The following CA1 variants were observed in gnomAD, a reference collection of about 807,000 sequenced individuals.
The protein encoded by CA1 is carbonate dehydratase I.
In CA1, 27 loss-of-function variants were observed where a neutral mutation model predicts 28.8. That is an observed-to-expected ratio of 0.94 (90% CI 0.69 to 1.29). The LOEUF (loss-of-function observed/expected upper bound fraction) is 1.29. CA1 is among the 50% of genes most tolerant of loss of function. CA1 has a pLI of 0.00. For synonymous variants in CA1, 121 were observed against 108.8 expected (o/e 1.11, Z -0.70); for missense variants, 335 against 310.5 (o/e 1.08, Z -0.59).
chr8:85,329,203 T>C (rs1808295454), intron 7 of CA1, among the ~76,000 whole-genome samples: 1 of 152,174 alleles, frequency 6.6e-6, no homozygotes, highest in Admixed American at 6.5e-5. Context: ...GTAAGGCACG[T>C]AATAAACATG....
intron 1 of CA1, among the ~76,000 whole-genome samples, chr8:85,369,582 A>G (rs1810139567): frequency 6.6e-6 from 1 of 152,214 alleles, no homozygotes; most frequent in South Asian, 2.1e-4. Flanking sequence ...GGTAGGGCCA[A>G]CAAGAAGGAG....
intron 1 of CA1, among the ~76,000 whole-genome samples, chr8:85,361,526 A>G (rs539676501): frequency 6.6e-6 from 1 of 152,078 alleles, no homozygotes; most frequent in East Asian, 1.9e-4. Flanking sequence ...AAAATACACA[A>G]GTTAGCCGGG....
At chr8:85,365,573 G>A (rs753071880) in intron 1 of CA1, among the ~76,000 whole-genome samples, 40 of 152,248 alleles carry the variant, frequency 2.6e-4, no homozygotes, top group East Asian at 3.9e-4. Context: ...GCATTTGGAA[G>A]AACTGGTAAA....
At position 85,336,990 on chromosome 8, in the gene CA1, C is replaced by T. The variant is rs1808684515; in HGVS notation, c.309G>A (p.Glu103=). Residue 103 remains glutamate, a synonymous_variant, in exon 4 of 8, where the codon GAG becomes GAA. Coordinates refer to ENST00000523022, the MANE Select transcript of CA1 (RefSeq NM_001128831.4). ...CATCCACTGTATGTTCTGAACCATG[C>T]TCATTTGTACTGCCCCAGTGAAAAT... is the stretch of plus-strand genomic sequence containing the variant. The part of the protein sequence containing the change: ...QFHFHWGSTN[E]HGSEHTVDGV... The T allele has an allele frequency of 6.2e-7, 1 of 1,612,940 alleles. No homozygotes were observed. The highest frequency in any genetic ancestry group is 8.5e-7 in the Non-Finnish European group (1 of 1,179,158).
intron 1 of CA1, among the ~76,000 whole-genome samples, chr8:85,348,613 C>T (rs1374959865): frequency 1.3e-5 from 2 of 152,066 alleles, no homozygotes; most frequent in Non-Finnish European, 2.9e-5. Context: ...AGACATGTAA[C>T]GAGGATGAAG....
intron 1 of CA1, among the ~76,000 whole-genome samples, chr8:85,344,704 G>A (rs1423271878): frequency 5.3e-5 from 8 of 152,012 alleles, no homozygotes; most frequent in Non-Finnish European, 1.0e-4. Context: ...GGAACAAAAA[G>A]TGAAAAAGAG....
At chr8:85,375,671 G>A (rs1361134641) in intron 1 of CA1, among the ~76,000 whole-genome samples, 2 of 152,210 alleles carry the variant, frequency 1.3e-5, no homozygotes, top group Admixed American at 1.3e-4. Context: ...CCAGAGCACG[G>A]AGAAAGTTCA....
chr8:85,363,688 T>TA (rs1332257601), intron 1 of CA1, among the ~76,000 whole-genome samples: 1 of 152,194 alleles, frequency 6.6e-6, no homozygotes, highest in Non-Finnish European at 1.5e-5. Context: ...CATTGCCTCT[T>TA]ACCTGCTGAC....
intron 2 of CA1, among the ~76,000 whole-genome samples, chr8:85,340,791 A>T (rs1022831268): frequency 6.6e-6 from 1 of 152,110 alleles, no homozygotes; most frequent in African/African-American, 2.4e-5. Flanking sequence ...ACCTTCAGCA[A>T]CCACTATCCT....
intron 1 of CA1, among the ~76,000 whole-genome samples, chr8:85,377,387 A>T (rs1210263200): frequency 6.6e-6 from 1 of 152,218 alleles, no homozygotes; most frequent in Non-Finnish European, 1.5e-5. Context: ...CAGGTAGACT[A>T]AATTTGTAAT....
chr8:85,329,655 C>A (rs370002055), intron 7 of CA1, 34 bp downstream of exon 7: 3 of 1,563,638 alleles, frequency 1.9e-6, no homozygotes, highest in East Asian at 4.5e-5. Flanking sequence ...ATTCCTGCTA[C>A]GCATTCCCAG....
At chr8:85,367,209 A>G (rs1284238022) in intron 1 of CA1, among the ~76,000 whole-genome samples, 1 of 152,156 alleles carries the variant, frequency 6.6e-6, no homozygotes, top group Middle Eastern at 3.2e-3. Context: ...AGAGGAAAAG[A>G]ACGATTTCTA....
At chr8:85,364,393 G>T (rs1382414616) in intron 1 of CA1, among the ~76,000 whole-genome samples, 1 of 152,162 alleles carries the variant, frequency 6.6e-6, no homozygotes, top group Non-Finnish European at 1.5e-5. Flanking sequence ...TTATATTTAT[G>T]TGTATACTTG....
At chr8:85,337,217 G>C in intron 3 of CA1, 154 bp from the exon 4 acceptor site, 1 of 670,482 alleles carries the variant, frequency 1.5e-6, no homozygotes, top group Non-Finnish European at 2.7e-6. Flanking sequence ...ACATCCATGA[G>C]GATGACAGTC....
intron 4 of CA1, among the ~76,000 whole-genome samples, chr8:85,334,779 T>A (rs994708717): frequency 6.6e-6 from 1 of 151,684 alleles, no homozygotes; most frequent in Non-Finnish European, 1.5e-5. Context: ...GATCACGAGG[T>A]CAGGAGTTCG....
chr8:85,336,760 A>G (rs1370212296), intron 4 of CA1, among the ~76,000 whole-genome samples, 185 bp downstream of exon 4: 2 of 152,112 alleles, frequency 1.3e-5, no homozygotes, highest in Non-Finnish European at 2.9e-5. Context: ...CTCTTTCCAC[A>G]TGAAAATTTT....
Position 85,329,703 on chromosome 8 carries a change from C to A in CA1, c.655G>T (p.Val219Phe). 1.2e-6 allele frequency: 2 copies of A among 1,610,980 alleles called. No homozygotes were observed. The highest frequency in any genetic ancestry group is 1.7e-6 in the Non-Finnish European group (2 of 1,178,342). Residue 219 changes from valine to phenylalanine, a missense_variant, in exon 7 of 8, where the codon GTC becomes TTC. Coordinates refer to ENST00000523022, the MANE Select transcript of CA1 (RefSeq NM_001128831.4). Reference sequence around the variant, plus strand: ...CACAACTCTACCTGCTCTGAGCTGACACTGATGCTCTCCTTACAGATGATC... The same window carrying A: ...CACAACTCTACCTGCTCTGAGCTGAAACTGATGCTCTCCTTACAGATGATC... ...TWIICKESIS[V>F]SSEQLAQFRS...
rs141646414 is a variant in CA1, at chr8:85,369,387, C to T, written c.-25+8659G>A. On this transcript the variant is annotated intron_variant, in intron 1 of 7. Coordinates refer to ENST00000523022, the MANE Select transcript of CA1 (RefSeq NM_001128831.4). ...ACCCCGGCTTGCCTAGGATGCATCTCTCCAACTTTCAATGCCTAACCTTGG... is the reference window on the plus strand; with the variant it reads ...ACCCCGGCTTGCCTAGGATGCATCTTTCCAACTTTCAATGCCTAACCTTGG... 2.3e-4 allele frequency among the ~76,000 whole-genome samples: 35 copies of T among 152,278 alleles called. No individual in the cohort carries two copies. In the East Asian group the frequency reaches 6.6e-3, roughly 29 times the overall value.
At chr8:85,374,139 ATATC>A (rs1234570512) in intron 1 of CA1, among the ~76,000 whole-genome samples, 1 of 152,208 alleles carries the variant, frequency 6.6e-6, no homozygotes, top group East Asian at 1.9e-4. Flanking sequence ...ACAAAAGTGA[ATATC>A]TATTTAGAAC....
Sources: allele counts gnomAD v4.1 joint callset (sites outside exome capture counted in the v4.1 genomes callset), GRCh38; gene constraint gnomAD v4.1.1; transcripts MANE v1.5; gene names NCBI Gene and HGNC (gene_info 2026-07-23, HGNC 2026-07-21).